Variants in LINGO1 observed in about 807,000 individuals in gnomAD.
LINGO1 encodes the protein leucine rich repeat and Ig domain containing 1, also known as leucine-rich repeat and immunoglobulin-like domain-containing nogo receptor-interacting protein 1.
A neutral mutation model predicts 37.3 loss-of-function variants in LINGO1; 11 were observed. The ratio of observed to expected loss-of-function variants is 0.29; its 90% CI spans 0.19 to 0.49. The LOEUF is 0.49. LINGO1 is among the 20% of genes least tolerant of loss of function. The pLI is 0.99. For synonymous variants in LINGO1, 387 were observed against 403.0 expected, an observed-to-expected ratio of 0.96 and a Z score of 0.48; for missense variants, 585 against 878.2, an observed-to-expected ratio of 0.67 and a Z score of 4.22.
intron 3 of LINGO1, among the ~76,000 whole-genome samples, chr15:77,662,050 G>A (rs2075006100): frequency 1.3e-5 from 2 of 152,198 alleles, no homozygotes; most frequent in South Asian, 4.1e-4. Flanking sequence ...GTAGGTTGAG[G>A]CAAGAGCCAC....
intron 1 of LINGO1, among the ~76,000 whole-genome samples, chr15:77,620,940 G>T (rs1320619280): frequency 2.0e-5 from 3 of 152,154 alleles, no homozygotes; most frequent in Non-Finnish European, 4.4e-5. Flanking sequence ...GAGGTCCAGG[G>T]GGGCAGGGAC....
At chr15:77,634,219 A>G (rs1393656370), upstream of LINGO1, 2 of 444,756 alleles carry the variant, frequency 4.5e-6, no homozygotes, top group East Asian at 7.0e-5. Flanking sequence ...CCCACCCCCA[A>G]CAGCACCTTG....
At chr15:77,628,116 G>A (rs746754057) in intron 1 of LINGO1, among the ~76,000 whole-genome samples, 6 of 152,212 alleles carry the variant, frequency 3.9e-5, no homozygotes, top group Admixed American at 6.5e-5. Flanking sequence ...CTGGGGTGAT[G>A]CAAACTGGTC....
chr15:77,760,315 G>C (rs756061282), intron 1 of LINGO1, among the ~76,000 whole-genome samples: 1 of 152,212 alleles, frequency 6.6e-6, no homozygotes, highest in African/African-American at 2.4e-5. Flanking sequence ...GGGTGTCCAG[G>C]CTCCCGTCCC....
intron 2 of LINGO1, among the ~76,000 whole-genome samples, chr15:77,703,032 G>A (rs2075804531): frequency 6.6e-6 from 1 of 152,228 alleles, no homozygotes; most frequent in Admixed American, 6.5e-5. Flanking sequence ...TGAGAACTGA[G>A]CTGGGAACTG....
chr15:77,722,383 TG>T (rs544944412), intron 2 of LINGO1, among the ~76,000 whole-genome samples: 84 of 152,316 alleles, frequency 5.5e-4, no homozygotes, highest in Admixed American at 3.0e-3. Context: ...CCTCTGGAGA[TG>T]GCAGGAGGCA....
At chr15:77,738,718 C>T (rs1229324434) in intron 1 of LINGO1, among the ~76,000 whole-genome samples, 2 of 146,562 alleles carry the variant, frequency 1.4e-5, no homozygotes, top group African/African-American at 5.2e-5. Context: ...CAGTGCTTGG[C>T]ACCCAGGAGA....
intron 3 of LINGO1, among the ~76,000 whole-genome samples, chr15:77,665,485 G>T (rs1232963886): frequency 6.6e-6 from 1 of 152,180 alleles, no homozygotes; most frequent in Non-Finnish European, 1.5e-5. Flanking sequence ...TATTGGAGGG[G>T]CTGCTTTGAG....
chr15:77,806,248 C>T (rs548376239), intron 1 of LINGO1, among the ~76,000 whole-genome samples: 12 of 152,192 alleles, frequency 7.9e-5, no homozygotes, highest in South Asian at 6.2e-4. Context: ...GGCTGAGAGA[C>T]GCGAGGGCAG....
intron 1 of LINGO1, among the ~76,000 whole-genome samples, chr15:77,809,386 C>T (rs146001078): frequency 2.8e-4 from 43 of 152,334 alleles, no homozygotes; most frequent in East Asian, 2.3e-3. Flanking sequence ...CCTAACCAGG[C>T]GGGTGACCAC....
chr15:77,783,313 A>G (rs548788500), intron 1 of LINGO1, among the ~76,000 whole-genome samples: 2 of 152,258 alleles, frequency 1.3e-5, no homozygotes, highest in South Asian at 4.1e-4. Context: ...ACAGTGCTTC[A>G]TAGGTGTTTC....
At chr15:77,670,506 G>T (rs183422896) in intron 3 of LINGO1, among the ~76,000 whole-genome samples, 1 of 152,184 alleles carries the variant, frequency 6.6e-6, no homozygotes, top group Non-Finnish European at 1.5e-5. Flanking sequence ...GGCCCTACCC[G>T]AGGCACAGCC....
At chr15:77,817,608 C>A (rs2077058753) in intron 1 of LINGO1, among the ~76,000 whole-genome samples, 1 of 152,114 alleles carries the variant, frequency 6.6e-6, no homozygotes, top group South Asian at 2.1e-4. Context: ...TCAAAAGGTC[C>A]CACAGGTCAG....
chr15:77,670,850 C>T (rs1235031787), intron 3 of LINGO1, among the ~76,000 whole-genome samples: 2 of 152,220 alleles, frequency 1.3e-5, no homozygotes. Context: ...GCCCCCAGAT[C>T]CCTGGGGCCT....
intron 2 of LINGO1, among the ~76,000 whole-genome samples, chr15:77,792,909 C>A (rs960312156): frequency 1.3e-5 from 2 of 152,214 alleles, no homozygotes; most frequent in African/African-American, 4.8e-5. Flanking sequence ...CATAGGTGAT[C>A]CCAACCCAGC....
chr15:77,663,591 A>G (rs1291471255), intron 3 of LINGO1, among the ~76,000 whole-genome samples: 1 of 151,536 alleles, frequency 6.6e-6, no homozygotes, highest in African/African-American at 2.4e-5. Context: ...ACCCCTTCCC[A>G]CCTCTGAGGC....
rs368298715 is a variant in LINGO1 at position 77,614,069 on chromosome 15, C to T, written c.1838G>A (p.Arg613His). 2 of 1,600,918 alleles carry T rather than the reference C, an allele frequency of 1.2e-6. No individual in the cohort carries two copies. Among genetic ancestry groups the T allele is most frequent in the South Asian group, 1.1e-5 (1 of 89,702 alleles). Residue 613 changes from arginine to histidine, a missense_variant, in exon 2 of 2, where the codon CGC (arginine) becomes CAC (histidine). Arg to His is a conservative substitution (Grantham distance 29, BLOSUM62 0). Coordinates refer to ENST00000355300, the MANE Select transcript of LINGO1 (RefSeq NM_032808.7). ...DAGISSADAP[R>H]KFNMKMI ...TCATATCATCTTCATGTTGAACTTG[C>T]GGGGCGCGTCGGCGGAGCTGATGCC...
At chr15:77,730,502 G>A (rs2076143970) in intron 2 of LINGO1, among the ~76,000 whole-genome samples, 1 of 150,370 alleles carries the variant, frequency 6.7e-6, no homozygotes, top group Admixed American at 6.9e-5. Context: ...TTCTGAGACT[G>A]AGATGGTCCA....
intron 1 of LINGO1, among the ~76,000 whole-genome samples, chr15:77,774,103 T>C (rs1332227032): frequency 6.6e-6 from 1 of 152,106 alleles, no homozygotes; most frequent in Non-Finnish European, 1.5e-5. Flanking sequence ...TGGGCATCGA[T>C]GCCCTCTACA....
Sources: gnomAD v4.1 joint callset for allele counts (sites outside exome capture counted in the v4.1 genomes callset) on GRCh38, gnomAD v4.1.1 for gene constraint, MANE v1.5 for transcripts, NCBI Gene and HGNC (gene_info 2026-07-23, HGNC 2026-07-21) for gene names.